The following NCKAP5 variants were observed in gnomAD, a reference collection of about 807,000 sequenced individuals.
NCKAP5 encodes nck-associated protein 5.
Under a neutral mutation model 167.0 loss-of-function variants are expected in NCKAP5, and 92 were observed. That is an observed-to-expected ratio of 0.55 (90% CI 0.47 to 0.66). The LOEUF (loss-of-function observed/expected upper bound fraction) is 0.66, where lower values mean the gene tolerates loss of function less well. Ranked by LOEUF, NCKAP5 falls within the 30% of genes least tolerant of loss-of-function variation. NCKAP5 has a pLI of 0.00. For missense variants in NCKAP5, 2,378 were observed against 2,315.0 expected (o/e 1.03, Z -0.56); for synonymous variants, 891 against 877.4 (o/e 1.02, Z -0.27).
rs548502490 is a variant in NCKAP5 at position 132,860,362 on chromosome 2, G to A, written c.807+130C>T. ...ACCTTCAAATTTAATGACATAACTT[G>A]AGAAAGGAAAGAATTGGGATTCTGA... On this transcript the variant is annotated intron_variant, in intron 11 of 19. Coordinates refer to ENST00000409261, the MANE Select transcript of NCKAP5 (RefSeq NM_207363.3). The A allele has an allele frequency of 2.5e-3, 2,774 of 1,096,130 alleles. 5 individuals carry two copies. Among genetic ancestry groups the A allele is most frequent in the Non-Finnish European group, 3.1e-3 (2,454 of 784,594 alleles). The allele number at this position is 1,096,130 out of a possible 1,614,324, so 67.9% of individuals were successfully genotyped here.
intron 3 of NCKAP5, among the ~76,000 whole-genome samples, chr2:133,345,037 A>G (rs963439868): frequency 6.6e-6 from 1 of 152,196 alleles, no homozygotes. Context: ...GAATAATGAC[A>G]GAGATTCAGC....
rs1036057167 is a variant in NCKAP5 at position 132,790,203 on chromosome 2, T to C, written c.912A>G (p.Glu304=). ...AGGCCGATTTTGTATTTAGTTGGTG[T>C]TCCTGAAAAAGCAGGACAGCTCTGA... ...TQSRTDAEVH[E]HQLNTKSALK... is the part of the protein sequence containing the mutation. Residue 304 remains glutamate, a splice_region_variant and synonymous_variant, in exon 13 of 20, where the codon GAA becomes GAG. Coordinates refer to ENST00000409261, the MANE Select transcript of NCKAP5 (RefSeq NM_207363.3). The C allele has an allele frequency of 1.9e-6, 3 of 1,610,894 alleles. No homozygotes were observed. The highest frequency in any genetic ancestry group is 2.5e-6 in the Non-Finnish European group (3 of 1,178,642).
intron 3 of NCKAP5, among the ~76,000 whole-genome samples, chr2:133,511,056 C>T (rs968151279): frequency 5.9e-5 from 9 of 152,192 alleles, no homozygotes; most frequent in Non-Finnish European, 1.2e-4. Context: ...ATGCATGATT[C>T]ACTAAGTGAA....
At chr2:132,999,062 C>A (rs903377169) in intron 6 of NCKAP5, among the ~76,000 whole-genome samples, 3 of 152,102 alleles carry the variant, frequency 2.0e-5, no homozygotes, top group Non-Finnish European at 4.4e-5. Context: ...TAACGTACAT[C>A]AAGTGAACTA....
At chr2:132,749,813 G>GTTATTATTATTAT (rs1679960274) in intron 16 of NCKAP5, among the ~76,000 whole-genome samples, 1 of 152,134 alleles carries the variant, frequency 6.6e-6, no homozygotes, top group Non-Finnish European at 1.5e-5. Context: ...TGATAGGAAC[G>GTTATTATTATTAT]GAAATGGTTA....
At chr2:132,777,334 G>A (rs1043091265) in intron 15 of NCKAP5, among the ~76,000 whole-genome samples, 1 of 152,142 alleles carries the variant, frequency 6.6e-6, no homozygotes, top group Non-Finnish European at 1.5e-5. Flanking sequence ...AGGGGGAAAA[G>A]GGGAGAAAAT....
intron 6 of NCKAP5, among the ~76,000 whole-genome samples, chr2:133,025,278 A>C (rs958084671): frequency 6.6e-6 from 1 of 152,218 alleles, no homozygotes; most frequent in Non-Finnish European, 1.5e-5. Flanking sequence ...AAACATGACT[A>C]AATGCTAGTT....
rs779892543 is a variant in NCKAP5, at chr2:132,732,008, G to T, written c.5172C>A (p.Thr1724=). The T allele has an allele frequency of 3.7e-6, 6 of 1,613,672 alleles. No individual in the cohort carries two copies. In the African/African-American group the frequency reaches 5.3e-5, roughly 14 times the overall value. The part of the protein sequence containing the change: ...QMRTLDSGIG[T]FPLPDSGNRS... ...GATTTCCCGAGTCTGGGAGTGGAAAGGTTCCGATCCCACTGTCCAATGTTC... is the reference window on the plus strand; with the variant it reads ...GATTTCCCGAGTCTGGGAGTGGAAATGTTCCGATCCCACTGTCCAATGTTC... The change falls in exon 17 of 20, where the codon ACC becomes ACA. Residue 1724 remains threonine (T), a synonymous_variant. Coordinates refer to ENST00000409261, the MANE Select transcript of NCKAP5 (RefSeq NM_207363.3).
At chr2:132,694,386 C>T (rs1021929611) in intron 19 of NCKAP5, among the ~76,000 whole-genome samples, 14 of 152,130 alleles carry the variant, frequency 9.2e-5, no homozygotes, top group Non-Finnish European at 1.9e-4. Flanking sequence ...GTGCAGTGTG[C>T]TGCACAGCTC....
chr2:133,669,848 C>G, the NCKAP5 span, among the ~76,000 whole-genome samples: 1 of 152,210 alleles, frequency 6.6e-6, no homozygotes, highest in Non-Finnish European at 1.5e-5. Flanking sequence ...AAACACTTAT[C>G]TATAGACCCA....
At chr2:133,371,895 G>A (rs1402867646) in intron 3 of NCKAP5, among the ~76,000 whole-genome samples, 1 of 151,898 alleles carries the variant, frequency 6.6e-6, no homozygotes. Flanking sequence ...TCTAATCAAG[G>A]ATTCATTGAG....
At chr2:133,027,216 CA>C (rs773713447) in intron 6 of NCKAP5, among the ~76,000 whole-genome samples, 1 of 152,172 alleles carries the variant, frequency 6.6e-6, no homozygotes, top group Non-Finnish European at 1.5e-5. Context: ...GGTTCTAACG[CA>C]GACAGGTCAG....
chr2:133,384,088 T>C (rs1011158745), intron 3 of NCKAP5, among the ~76,000 whole-genome samples: 2 of 152,208 alleles, frequency 1.3e-5, no homozygotes, highest in East Asian at 1.9e-4. Context: ...ATTTTGACTT[T>C]TGTTGCCATT....
the NCKAP5 span, among the ~76,000 whole-genome samples, chr2:133,636,945 C>G: frequency 6.6e-6 from 1 of 152,134 alleles, no homozygotes; most frequent in African/African-American, 2.4e-5. Flanking sequence ...AGCTTCACCT[C>G]TGGTTAGGAA....
At chr2:132,846,973 A>G (rs1688707845) in intron 11 of NCKAP5, among the ~76,000 whole-genome samples, 1 of 152,234 alleles carries the variant, frequency 6.6e-6, no homozygotes, top group Non-Finnish European at 1.5e-5. Flanking sequence ...ATTATAAATT[A>G]AATATTCGTG....
chr2:132,794,251 TATATATATATATAGAGAG>T (rs1324591401), intron 12 of NCKAP5, among the ~76,000 whole-genome samples: 102 of 58,798 alleles, frequency 1.7e-3, no homozygotes, highest in African/African-American at 6.4e-3. Context: ...TATATATATA[TATATATATATATAGAGAG>T]AGAGAGAGAG....
At chr2:132,876,755 G>A (rs555837349) in intron 9 of NCKAP5, among the ~76,000 whole-genome samples, 12 of 152,256 alleles carry the variant, frequency 7.9e-5, no homozygotes, top group Admixed American at 3.3e-4. Flanking sequence ...AGAGGAACAC[G>A]CCCTCTAAAA....
At chr2:132,849,579 G>C (rs1385268994) in intron 11 of NCKAP5, among the ~76,000 whole-genome samples, 1 of 152,216 alleles carries the variant, frequency 6.6e-6, no homozygotes, top group Non-Finnish European at 1.5e-5. Flanking sequence ...CTGCCACAGA[G>C]ATGCAGGTCA....
At chr2:133,652,033 G>C in the NCKAP5 span, among the ~76,000 whole-genome samples, 1 of 152,254 alleles carries the variant, frequency 6.6e-6, no homozygotes, top group Admixed American at 6.5e-5. Context: ...GGGAGAGCAT[G>C]GCCTGAAGGA....
Sources: allele counts gnomAD v4.1 joint callset (sites outside exome capture counted in the v4.1 genomes callset), GRCh38; gene constraint gnomAD v4.1.1; transcripts MANE v1.5; gene names NCBI Gene and HGNC (gene_info 2026-07-23, HGNC 2026-07-21).